The following DSN1 variants were observed in gnomAD, a reference collection of about 807,000 sequenced individuals.
DSN1 encodes DSN1 component of MIS12 kinetochore complex.
In DSN1, 31 loss-of-function variants were observed where a neutral mutation model predicts 45.7. The observed-to-expected ratio is 0.68, with a 90% CI of 0.51 to 0.92. DSN1 has a LOEUF of 0.92. Among genes scored for constraint, DSN1 ranks in the 40% least tolerant of loss-of-function variants. The pLI is 0.00. For missense variants in DSN1, 394 were observed against 414.2 expected (o/e 0.95, Z 0.42); for synonymous variants, 134 against 142.3 (o/e 0.94, Z 0.41).
intron 5 of DSN1, among the ~76,000 whole-genome samples, chr20:36,766,492 CCT>C (rs1450722675): frequency 6.6e-6 from 1 of 151,976 alleles, no homozygotes; most frequent in Non-Finnish European, 1.5e-5. Flanking sequence ...CATGGTGAAA[CCT>C]CTTCCCTACT....
intron 3 of DSN1, among the ~76,000 whole-genome samples, chr20:36,769,928 CACACACACACACAGAGAG>C (rs1375747889): frequency 1.4e-5 from 2 of 142,554 alleles, no homozygotes; most frequent in African/African-American, 2.6e-5. Flanking sequence ...CACACACACA[CACACACACACACAGAGAG>C]AGAGAGACAG....
intron 5 of DSN1, among the ~76,000 whole-genome samples, chr20:36,765,813 T>C (rs1236207563): frequency 7.9e-6 from 1 of 126,840 alleles, no homozygotes. Flanking sequence ...AAAAAAAAAA[T>C]TCATTACATT....
In DSN1 at chr20:36,773,740, C is replaced by G; in HGVS notation, c.-94G>C. ...CCTTGCGCACCCGCAGCCGATACTC[C>G]CTGATCAGGGTGAAGCGGTCTCCAC... On this transcript the variant is annotated 5_prime_UTR_variant, in exon 1 of 11. Coordinates refer to ENST00000373750, the MANE Select transcript of DSN1 (RefSeq NM_001145315.2). 1 of 985,614 alleles carries G rather than the reference C, an allele frequency of 1.0e-6. No individual in the cohort carries two copies. Among genetic ancestry groups the G allele is most frequent in the Non-Finnish European group, 1.2e-6 (1 of 830,028 alleles). The allele number at this position is 985,614 out of a possible 1,614,324, so 61.1% of individuals were successfully genotyped here.
At chr20:36,760,319 T>C (rs1986909315) in intron 6 of DSN1, among the ~76,000 whole-genome samples, 1 of 152,172 alleles carries the variant, frequency 6.6e-6, no homozygotes, top group Non-Finnish European at 1.5e-5. Flanking sequence ...TCAAAACTCC[T>C]TAACCTGGCA....
In DSN1 at chr20:36,762,558, A is replaced by G. The variant is rs779364995; in HGVS notation, c.503-10T>C. ...TCAGAAAGAGAAGATGCTAGACAGC[A>G]CAAATTTACGTGTCATAAAATAAAG... On this transcript the variant is annotated splice_polypyrimidine_tract_variant and intron_variant, in intron 5 of 10. Coordinates refer to ENST00000373750, the MANE Select transcript of DSN1 (RefSeq NM_001145315.2). 2 of 1,610,316 alleles carry G rather than the reference A, an allele frequency of 1.2e-6. No homozygotes were observed. Among genetic ancestry groups the G allele is most frequent in the Non-Finnish European group, 1.7e-6 (2 of 1,178,194 alleles).
intron 5 of DSN1, 104 bp from the exon 6 acceptor site, chr20:36,762,652 T>A: frequency 1.0e-6 from 1 of 980,616 alleles, no homozygotes; most frequent in Non-Finnish European, 1.4e-6. Context: ...TAGGTACTGT[T>A]ACATGTTGGT....
chr20:36,758,781 T>C (rs1022087459), intron 6 of DSN1, among the ~76,000 whole-genome samples, 164 bp from the exon 7 acceptor site: 3 of 151,708 alleles, frequency 2.0e-5, no homozygotes, highest in Non-Finnish European at 4.4e-5. Context: ...TCTGCCTCCC[T>C]GGTTCAACAG....
intron 8 of DSN1, among the ~76,000 whole-genome samples, chr20:36,757,245 A>T (rs1986720867): frequency 6.6e-6 from 1 of 152,060 alleles, no homozygotes; most frequent in Non-Finnish European, 1.5e-5. Context: ...AATCCCAGCT[A>T]CTCGGGAGGC....
chr20:36,762,132 A>T (rs1281138977), intron 6 of DSN1, among the ~76,000 whole-genome samples: 3 of 122,814 alleles, frequency 2.4e-5, no homozygotes, highest in South Asian at 3.1e-4. Flanking sequence ...TGTGAGACAG[A>T]GTCTCTCTCT....
At chr20:36,773,583 T>C (rs1987764401) in intron 1 of DSN1, 79 bp downstream of exon 1, 7 of 985,720 alleles carry the variant, frequency 7.1e-6, no homozygotes, top group Non-Finnish European at 8.4e-6. Context: ...CCGAAGAGAT[T>C]AGTGCGGCGG....
rs1188259918 is a variant in DSN1 at position 36,772,859 on chromosome 20, TA to T, written c.-16+802del. 6.0e-3 allele frequency among the ~76,000 whole-genome samples: 913 copies of T among 152,380 alleles called. 6 individuals are homozygous for T. The highest frequency in any genetic ancestry group is 0.02 in the African/African-American group (825 of 41,590). ...CGTAGCATTGGCTATAAAATCTGTT[TA>T]CATGTCTGTCTCCCCAGCCAGGCTG... On this transcript the variant is annotated intron_variant, in intron 1 of 10. Coordinates refer to ENST00000373750, the MANE Select transcript of DSN1 (RefSeq NM_001145315.2).
chr20:36,766,004 C>T (rs1471833691), intron 5 of DSN1, among the ~76,000 whole-genome samples: 1 of 150,424 alleles, frequency 6.6e-6, no homozygotes, highest in Non-Finnish European at 1.5e-5. Context: ...ACCAGCCTGG[C>T]CAACATGGCG....
At chr20:36,754,305 C>G (rs1176590022) in intron 10 of DSN1, among the ~76,000 whole-genome samples, 1 of 152,026 alleles carries the variant, frequency 6.6e-6, no homozygotes, top group East Asian at 1.9e-4. Flanking sequence ...GTGCCATTCA[C>G]TCCAACCTGG....
rs765030959 is a variant in DSN1 at position 36,770,938 on chromosome 20, C to T, written c.290G>A (p.Arg97Gln). The change falls in exon 3 of 11, where the codon CGG becomes CAG. Residue 97 changes from arginine to glutamine, a missense_variant. Physicochemically the swap from Arg to Gln is conservative, Grantham distance 43. Transcript: ENST00000373750. ...ASYQDRRQSW[R>Q]RASMKETNRR... is the part of the protein sequence containing the mutation. Reference sequence around the variant, plus strand: ...GTTCGTTTCTTTCATACTTGCTCGCCGCCAGGATTGCCTCCTGTCTTGATA... The same window carrying T: ...GTTCGTTTCTTTCATACTTGCTCGCTGCCAGGATTGCCTCCTGTCTTGATA... The T allele has an allele frequency of 1.7e-5, 27 of 1,613,972 alleles. No homozygotes were observed. Among genetic ancestry groups the T allele is most frequent in the African/African-American group, 6.7e-5 (5 of 74,894 alleles).
intron 10 of DSN1, among the ~76,000 whole-genome samples, chr20:36,753,899 G>A (rs73620226): frequency 2.0e-5 from 3 of 151,468 alleles, no homozygotes; most frequent in Admixed American, 6.6e-5. Flanking sequence ...CCAGCTACTC[G>A]GGAGGCTGAG....
intron 5 of DSN1, among the ~76,000 whole-genome samples, chr20:36,763,249 CA>C (rs1279099208): frequency 6.6e-6 from 1 of 151,370 alleles, no homozygotes; most frequent in Admixed American, 6.6e-5. Context: ...ACTAAAAATA[CA>C]AAAATATACC....
In DSN1 at chr20:36,754,764, G is replaced by C. The variant is rs761451572; in HGVS notation, c.960C>G (p.Leu320=). 19 of 1,613,396 alleles carry C rather than the reference G, an allele frequency of 1.2e-5. No individual in the cohort carries two copies. The highest frequency in any genetic ancestry group is 1.6e-5 in the Non-Finnish European group (19 of 1,179,622). ...GGTCCCCTCAAGAGACAAGCTTACCGAGCTGTACTGACACCTTCTGGAAGC... is the reference window on the plus strand; with the variant it reads ...GGTCCCCTCAAGAGACAAGCTTACCCAGCTGTACTGACACCTTCTGGAAGC... The part of the protein sequence containing the change: ...TQCFQKVSVQ[L]GKRSMQQLDP... The change falls in exon 10 of 11, where the codon CTC becomes CTG. Residue 320 remains leucine, a splice_region_variant and synonymous_variant. Coordinates refer to ENST00000373750, the MANE Select transcript of DSN1 (RefSeq NM_001145315.2).
chr20:36,769,172 G>A (rs983928352), intron 3 of DSN1, among the ~76,000 whole-genome samples: 6 of 152,102 alleles, frequency 3.9e-5, no homozygotes, highest in African/African-American at 1.2e-4. Context: ...TGTAGATACC[G>A]TTTTTTAAAA....
At chr20:36,756,797 C>A (rs573341815) in intron 8 of DSN1, among the ~76,000 whole-genome samples, 6 of 152,132 alleles carry the variant, frequency 3.9e-5, no homozygotes, top group Non-Finnish European at 7.3e-5. Flanking sequence ...ACAAGCTTTG[C>A]CACAAAAGAT....
Sources: gnomAD v4.1 joint callset for allele counts (sites outside exome capture counted in the v4.1 genomes callset) on GRCh38, gnomAD v4.1.1 for gene constraint, MANE v1.5 for transcripts, NCBI Gene and HGNC (gene_info 2026-07-23, HGNC 2026-07-21) for gene names.